Variants in ZC3H7A observed in about 807,000 individuals in gnomAD.
ZC3H7A encodes zinc finger CCCH-type containing 7A, also known as zinc finger CCCH domain-containing protein 7A.
ZC3H7A carries 44 observed loss-of-function variants against 125.5 expected under a neutral mutation model. The ratio of observed to expected loss-of-function variants is 0.35; its 90% CI spans 0.28 to 0.45. ZC3H7A has a LOEUF of 0.45. Ranked by LOEUF, ZC3H7A falls within the 20% of genes least tolerant of loss-of-function variation. ZC3H7A has a pLI of 1.00. For missense variants in ZC3H7A, 977 were observed against 1,170.7 expected (o/e 0.83, Z 2.41); for synonymous variants, 399 against 391.2 (o/e 1.02, Z -0.23).
At chr16:11,785,339 G>A (rs1209436234) in intron 1 of ZC3H7A, among the ~76,000 whole-genome samples, 1 of 147,448 alleles carries the variant, frequency 6.8e-6, no homozygotes, top group Non-Finnish European at 1.5e-5. Flanking sequence ...ACCTTGCCTC[G>A]AAAAAATAAA....
intron 1 of ZC3H7A, among the ~76,000 whole-genome samples, chr16:11,786,687 T>C (rs958698222): frequency 6.6e-6 from 1 of 152,202 alleles, no homozygotes; most frequent in African/African-American, 2.4e-5. Flanking sequence ...TATTTGAATA[T>C]AATATGACAG....
chr16:11,754,922 T>C (rs1180489466), intron 21 of ZC3H7A, among the ~76,000 whole-genome samples: 2 of 124,794 alleles, frequency 1.6e-5, no homozygotes, highest in Admixed American at 1.8e-4. Context: ...AAAGAATACA[T>C]GTGTTGGCCG....
intron 1 of ZC3H7A, among the ~76,000 whole-genome samples, chr16:11,787,237 G>A (rs140050017): frequency 4.2e-4 from 64 of 152,282 alleles, no homozygotes; most frequent in East Asian, 1.9e-4. Flanking sequence ...AGGAGTTGGA[G>A]GCTGCAGTGA....
At position 11,765,229 on chromosome 16, in the gene ZC3H7A, A is replaced by G. The variant is rs2052834422; in HGVS notation, c.1720-76T>C. ...GTACCCAGAATATTGTCCTAGTTTCAATATCATTACAAAATTAATATTCAA... is the reference window on the plus strand; with the variant it reads ...GTACCCAGAATATTGTCCTAGTTTCGATATCATTACAAAATTAATATTCAA... On this transcript the variant is annotated intron_variant, in intron 14 of 22. Coordinates refer to ENST00000355758, the MANE Select transcript of ZC3H7A (RefSeq NM_014153.4). The surrounding 1 kb of genome is among the most constrained non-coding windows in gnomAD (Gnocchi z 4.8). 1 of 940,974 alleles carries G rather than the reference A, an allele frequency of 1.1e-6. No homozygotes were observed. Among genetic ancestry groups the G allele is most frequent in the African/African-American group, 1.7e-5 (1 of 57,224 alleles). 58.3% of individuals were successfully genotyped at this position (940,974 alleles called of 1,614,324 possible).
At chr16:11,788,907 C>T (rs1365652559) in intron 1 of ZC3H7A, among the ~76,000 whole-genome samples, 3 of 152,032 alleles carry the variant, frequency 2.0e-5, no homozygotes, top group Admixed American at 6.6e-5. Flanking sequence ...CCACCACGCT[C>T]GGCCTCACAA....
chr16:11,768,912 T>C, intron 11 of ZC3H7A, 119 bp downstream of exon 11: 4 of 996,194 alleles, frequency 4.0e-6, no homozygotes, highest in Non-Finnish European at 5.8e-6. Context: ...TTTAACACAA[T>C]TTCCTGCAGC....
At chr16:11,754,963 G>T (rs1292019274) in intron 21 of ZC3H7A, among the ~76,000 whole-genome samples, 9 of 147,648 alleles carry the variant, frequency 6.1e-5, no homozygotes, top group African/African-American at 2.3e-4. Flanking sequence ...TAATCCCACG[G>T]TTTTGGAAGG....
rs746054319 is a variant in ZC3H7A at position 11,774,977 on chromosome 16, T to A, written c.619+3A>T. The stretch of plus-strand genomic sequence containing the variant: ...ATTGTTAAGATGATATGTGAAAACA[T>A]ACCTGGCTCAATATCTTCCACAGAA... On this transcript the variant is annotated splice_donor_region_variant and intron_variant, in intron 8 of 22. Transcript: ENST00000355758. 1.2e-6 allele frequency: 2 copies of A among 1,614,156 alleles called. No homozygotes were observed. Among genetic ancestry groups the A allele is most frequent in the South Asian group, 1.1e-5 (1 of 91,084 alleles).
intron 9 of ZC3H7A, among the ~76,000 whole-genome samples, chr16:11,772,507 C>T (rs2053002971): frequency 6.6e-6 from 1 of 151,754 alleles, no homozygotes; most frequent in Non-Finnish European, 1.5e-5. Context: ...GAAAATGATG[C>T]ACTATGATGA....
chr16:11,789,656 G>A (rs767623663), intron 1 of ZC3H7A, among the ~76,000 whole-genome samples: 15 of 152,212 alleles, frequency 9.9e-5, no homozygotes, highest in African/African-American at 2.7e-4. Flanking sequence ...AAAACACACA[G>A]CGTTCCATGA....
At chr16:11,776,382 T>C in intron 6 of ZC3H7A, 24 bp from the exon 7 acceptor site, 2 of 1,608,772 alleles carry the variant, frequency 1.2e-6, no homozygotes, top group Non-Finnish European at 1.7e-6. Flanking sequence ...AAGACACTAA[T>C]TTAAAAACAG....
chr16:11,758,171 T>G (rs118038891), intron 20 of ZC3H7A, among the ~76,000 whole-genome samples: 2,137 of 152,276 alleles, frequency 0.014, 25 homozygotes, highest in Non-Finnish European at 0.024. Context: ...ATACATCTAT[T>G]ACATGTAAGG....
rs1596384589 is a variant in ZC3H7A at position 11,765,793 on chromosome 16, G to A, written c.1523-108C>T. 8 of 1,015,352 alleles carry A rather than the reference G, an allele frequency of 7.9e-6. No homozygotes were observed. The East Asian group carries it at 1.9e-4, about 24-fold the overall frequency. The allele number at this position is 1,015,352 out of a possible 1,614,324, so 62.9% of individuals were successfully genotyped here. ...GATCCCTTGAGCCCAGGAGTTCAAG[G>A]CTGCGGTGAGCAATGATCTTGCCAC... is the stretch of plus-strand genomic sequence containing the variant. On this transcript the variant is annotated intron_variant, in intron 13 of 22. Coordinates refer to ENST00000355758, the MANE Select transcript of ZC3H7A (RefSeq NM_014153.4). The surrounding 1 kb of genome is among the most constrained non-coding windows in gnomAD (Gnocchi z 4.8).
At chr16:11,778,310 G>A (rs893935684) in intron 4 of ZC3H7A, among the ~76,000 whole-genome samples, 5 of 151,774 alleles carry the variant, frequency 3.3e-5, no homozygotes, top group African/African-American at 1.2e-4. Flanking sequence ...GGCGGCATGC[G>A]CCTGTAGTCC....
At chr16:11,795,222 T>C (rs115390485) in intron 1 of ZC3H7A, among the ~76,000 whole-genome samples, 1 of 152,306 alleles carries the variant, frequency 6.6e-6, no homozygotes, top group African/African-American at 2.4e-5. Context: ...GTTCAACAGT[T>C]TGGCTCAGTA....
At chr16:11,785,362 C>T (rs923403180) in intron 1 of ZC3H7A, among the ~76,000 whole-genome samples, 21 of 151,164 alleles carry the variant, frequency 1.4e-4, no homozygotes, top group African/African-American at 4.4e-4. Context: ...AAAAAGCAAC[C>T]GGGTGTGGTG....
chr16:11,758,271 C>T (rs2052686414), intron 20 of ZC3H7A, among the ~76,000 whole-genome samples, 160 bp downstream of exon 20: 1 of 152,230 alleles, frequency 6.6e-6, no homozygotes, highest in East Asian at 1.9e-4. Context: ...GCTGTGCCCA[C>T]ATTTTCCAGG....
intron 3 of ZC3H7A, among the ~76,000 whole-genome samples, chr16:11,780,284 C>A (rs533751250): frequency 4.6e-5 from 7 of 152,054 alleles, no homozygotes; most frequent in African/African-American, 1.7e-4. Flanking sequence ...CCACACTCGG[C>A]TAATTTTTGT....
At chr16:11,756,187 G>A (rs369749450) in intron 21 of ZC3H7A, 50 bp downstream of exon 21, 39 of 1,574,066 alleles carry the variant, frequency 2.5e-5, no homozygotes, top group Non-Finnish European at 3.2e-5. Context: ...GAAAAGAAAG[G>A]CTCCATCAAT....
Sources: allele counts gnomAD v4.1 joint callset (sites outside exome capture counted in the v4.1 genomes callset), GRCh38; gene constraint gnomAD v4.1.1; non-coding constraint Gnocchi (gnomAD v3.1); transcripts MANE v1.5; gene names NCBI Gene and HGNC (gene_info 2026-07-23, HGNC 2026-07-21).